Variants in SEZ6L2 observed in about 807,000 individuals in gnomAD.
SEZ6L2 encodes seizure related 6 homolog like 2, also known as seizure 6-like protein 2.
A neutral mutation model predicts 97.0 loss-of-function variants in SEZ6L2; 44 were observed. The observed-to-expected ratio is 0.45, with a 90% confidence interval of 0.36 to 0.58. SEZ6L2 has a LOEUF of 0.58. Ranked by LOEUF, SEZ6L2 falls within the 20% of genes least tolerant of loss-of-function variation. The pLI, the probability that SEZ6L2 is intolerant of heterozygous loss-of-function variation, is 0.00. For synonymous variants in SEZ6L2, 543 were observed against 546.1 expected (o/e 0.99, Z 0.08); for missense variants, 1,086 against 1,233.3 (o/e 0.88, Z 1.79).
intron 8 of SEZ6L2, among the ~76,000 whole-genome samples, chr16:29,883,967 C>G (rs956476513): frequency 3.3e-5 from 5 of 151,902 alleles, no homozygotes; most frequent in Non-Finnish European, 5.9e-5. Context: ...ACCCTCTATC[C>G]TTTAAGGCCA....
At chr16:29,898,045 A>T in intron 1 of SEZ6L2, 61 bp from the exon 2 acceptor site, 2 of 1,601,984 alleles carry the variant, frequency 1.2e-6, no homozygotes, top group Non-Finnish European at 8.5e-7. Context: ...CTCCAGAGAG[A>T]TATTTTCTAG....
Position 29,876,878 on chromosome 16 carries a change from T to A in SEZ6L2, c.1982A>T (p.Asp661Val). 3 of 1,613,488 alleles carry A rather than the reference T, an allele frequency of 1.9e-6. No individual in the cohort carries two copies. The highest frequency in any genetic ancestry group is 2.5e-6 in the Non-Finnish European group (3 of 1,179,778). ...EWGWRTASHG[D>V]LIRGTVLTYQ... Reference sequence around the variant, plus strand: ...GGTGAGCACCGTGCCCCGGATCAGGTCCCCGTGGGATGCCGTTCTCCAGCC... The same window carrying A: ...GGTGAGCACCGTGCCCCGGATCAGGACCCCGTGGGATGCCGTTCTCCAGCC... The change falls in exon 12 of 18, where the codon GAC (aspartate) becomes GTC (valine). Residue 661 changes from aspartate (D) to valine (V), a missense_variant. Transcript: ENST00000617533. This position sits in a 1 kb window ranked among gnomAD's most constrained non-coding sequence, Gnocchi z 6.5.
chr16:29,895,242 A>T lies in SEZ6L2; in HGVS notation c.853+17T>A. Reference sequence around the variant, plus strand: ...GTATGGCCCCTGCCCTTCCAGCAGCACCCTCAAACTCCTCACCCTGATAGT... The same window carrying T: ...GTATGGCCCCTGCCCTTCCAGCAGCTCCCTCAAACTCCTCACCCTGATAGT... On this transcript the variant is annotated intron_variant, in intron 5 of 17. Transcript: ENST00000617533. 6 of 1,583,542 alleles carry T rather than the reference A, an allele frequency of 3.8e-6. No individual in the cohort carries two copies. The highest frequency in any genetic ancestry group is 5.2e-6 in the Non-Finnish European group (6 of 1,157,040).
chr16:29,897,760 C>T, intron 2 of SEZ6L2, 93 bp downstream of exon 2: 1 of 1,416,326 alleles, frequency 7.1e-7, no homozygotes, highest in African/African-American at 1.4e-5. Flanking sequence ...CAGTCTCTCT[C>T]TGCCTGCTCT....
chr16:29,891,912 A>C (rs899114811), intron 5 of SEZ6L2, among the ~76,000 whole-genome samples: 3 of 152,166 alleles, frequency 2.0e-5, no homozygotes, highest in African/African-American at 7.2e-5. Context: ...TGCTGAGAAA[A>C]CGTTAATCAC....
rs1019460028 is a variant in SEZ6L2, at chr16:29,873,101, C to A, written c.2488+139G>T. On this transcript the variant is annotated intron_variant, in intron 14 of 17. Transcript: ENST00000617533. The surrounding 1 kb of genome is among the most constrained non-coding windows in gnomAD (Gnocchi z 4.3). Reference sequence around the variant, plus strand: ...ACGACCCAGGGCTTCTGGACACACCCGTGAGGACACGAGGCCACAGGAGGA... The same window carrying A: ...ACGACCCAGGGCTTCTGGACACACCAGTGAGGACACGAGGCCACAGGAGGA... 2.0e-5 allele frequency: 19 copies of A among 971,812 alleles called. No individual in the cohort carries two copies. Among genetic ancestry groups the A allele is most frequent in the African/African-American group, 1.9e-4 (12 of 61,664 alleles). 60.2% of individuals were successfully genotyped at this position (971,812 alleles called of 1,614,324 possible). A position where few individuals can be genotyped will look rare whatever the true frequency, so the allele number is the denominator to read the frequency against.
intron 5 of SEZ6L2, 70 bp downstream of exon 5, chr16:29,895,189 A>G: frequency 8.8e-7 from 1 of 1,131,930 alleles, no homozygotes; most frequent in Non-Finnish European, 1.3e-6. Flanking sequence ...AAAAAAAAAA[A>G]AAAAAAAAAA....
intron 8 of SEZ6L2, among the ~76,000 whole-genome samples, chr16:29,885,040 T>C (rs1017412600): frequency 9.3e-5 from 14 of 151,254 alleles, no homozygotes; most frequent in African/African-American, 2.4e-4. Context: ...ACCCCGTCTC[T>C]ACTAAAAATA....
At position 29,872,502 on chromosome 16, in the gene SEZ6L2, C is replaced by T. The variant is rs560532111; in HGVS notation, c.2552G>A (p.Arg851Gln). The T allele has an allele frequency of 1.1e-5, 17 of 1,614,140 alleles. No homozygotes were observed. In the South Asian group the frequency reaches 1.1e-4, roughly 10 times the overall value. The change falls in exon 16 of 18, where the codon CGG (arginine) becomes CAG (glutamine). Residue 851 changes from arginine (R) to glutamine (Q), a missense_variant. Physicochemically the swap from Arg to Gln is conservative, Grantham distance 43. Around this residue, in one of 2 missense-constraint regions of SEZ6L2, gnomAD observed 310 missense variants for 438.6 expected, o/e 0.71. Coordinates refer to ENST00000617533, the MANE Select transcript of SEZ6L2 (RefSeq NM_001243332.2). ...LEVTQTTDPS[R>Q]QLEGGNLALA... ...GGCCAGGTTCCCCCCTTCCAGCTGC[C>T]GTGATGGATCTGTGGTCTGGGTCAC...
chr16:29,884,150 G>A (rs2068083175), intron 8 of SEZ6L2, among the ~76,000 whole-genome samples: 1 of 152,120 alleles, frequency 6.6e-6, no homozygotes, highest in Non-Finnish European at 1.5e-5. Flanking sequence ...AGGCAGATTA[G>A]CCAATCCCAA....
At chr16:29,880,447 G>A (rs2068007545) in intron 8 of SEZ6L2, among the ~76,000 whole-genome samples, 1 of 151,958 alleles carries the variant, frequency 6.6e-6, no homozygotes, top group African/African-American at 2.4e-5. Flanking sequence ...TGCCTCCTGA[G>A]TAGCTGGGAT....
chr16:29,872,878 T>C, intron 14 of SEZ6L2, 135 bp from the exon 15 acceptor site: 1 of 722,890 alleles, frequency 1.4e-6, no homozygotes. Context: ...ACTTTCTCCC[T>C]TTGTGGGGAA....
At position 29,896,364 on chromosome 16, in the gene SEZ6L2, C is replaced by T. The variant is rs78012201; in HGVS notation, c.511+458G>A. Reference sequence around the variant, plus strand: ...GCTGGATCTCAGCTCACCACAACCTCCACCTCCCGGGTTCAAGCAATTCTC... The same window carrying T: ...GCTGGATCTCAGCTCACCACAACCTTCACCTCCCGGGTTCAAGCAATTCTC... On this transcript the variant is annotated intron_variant, in intron 3 of 17. Transcript: ENST00000617533. Among the ~76,000 whole-genome samples the T allele has an allele frequency of 3.9e-5, 6 of 152,294 alleles. No individual in the cohort carries two copies. In the East Asian group the frequency reaches 1.2e-3, roughly 29 times the overall value.
Position 29,876,586 on chromosome 16 carries a change from C to A in SEZ6L2, c.2104+170G>T, listed in dbSNP as rs772703180. Among the ~76,000 whole-genome samples, 4 of 151,824 alleles carry A rather than the reference C, an allele frequency of 2.6e-5. No homozygotes were observed. Among genetic ancestry groups the A allele is most frequent in the South Asian group, 2.1e-4 (1 of 4,818 alleles). On this transcript the variant is annotated intron_variant, in intron 12 of 17. Transcript: ENST00000617533. This position sits in a 1 kb window ranked among gnomAD's most constrained non-coding sequence, Gnocchi z 6.5. ...GAGGGGACAGTTTCGGGGAACCGGGCGGAGGAGTGAGAACTAAAGGGCATG... is the reference window on the plus strand; with the variant it reads ...GAGGGGACAGTTTCGGGGAACCGGGAGGAGGAGTGAGAACTAAAGGGCATG...
At position 29,877,398 on chromosome 16, in the gene SEZ6L2, G is replaced by C; in HGVS notation, c.1782C>G (p.Ala594=). The change falls in exon 11 of 18, where the codon GCC becomes GCG. Residue 594 remains alanine (A), a synonymous_variant. Coordinates refer to ENST00000617533, the MANE Select transcript of SEZ6L2 (RefSeq NM_001243332.2). ...GGCGCGGCTGAGGTCCCCGCAGCTG[G>C]GCCAAGACTCGGGCGCTGGGACCGT... The part of the protein sequence containing the change: ...DGDGPSARVL[A]QLRGPQPRRR... The C allele has an allele frequency of 6.2e-7, 1 of 1,613,160 alleles. No homozygotes were observed. Among genetic ancestry groups the C allele is most frequent in the Non-Finnish European group, 8.5e-7 (1 of 1,179,646 alleles).
chr16:29,892,840 C>T (rs1766718258), intron 5 of SEZ6L2, among the ~76,000 whole-genome samples: 1 of 152,230 alleles, frequency 6.6e-6, no homozygotes, highest in African/African-American at 2.4e-5. Context: ...GCACACATGT[C>T]TGCTAGAACA....
Position 29,876,705 on chromosome 16 carries a change from G to C in SEZ6L2, c.2104+51C>G. On this transcript the variant is annotated intron_variant, in intron 12 of 17. Transcript: ENST00000617533. The surrounding 1 kb of genome is among the most constrained non-coding windows in gnomAD (Gnocchi z 6.5). The stretch of plus-strand genomic sequence containing the variant: ...TCGGGACAGGACAGGCCGACGACGG[G>C]GCCCACAGGGAAGGGGCGGGGCCGA... The C allele has an allele frequency of 6.8e-7, 1 of 1,470,068 alleles. No homozygotes were observed. Among genetic ancestry groups the C allele is most frequent in the Non-Finnish European group, 9.1e-7 (1 of 1,099,776 alleles). The allele number at this position is 1,470,068 out of a possible 1,614,324, so 91.1% of individuals were successfully genotyped here. A position where few individuals can be genotyped will look rare whatever the true frequency, so the allele number is the denominator to read the frequency against.
In SEZ6L2 at chr16:29,895,147, C is replaced by A. The variant is rs1341615784; in HGVS notation, c.853+112G>T. ...TGAGCTGAGATCACGCCACTGACCT[C>A]CAGTCTGGGCGACAGAGCAAGACTC... On this transcript the variant is annotated intron_variant, in intron 5 of 17. Transcript: ENST00000617533. 4.3e-6 allele frequency: 4 copies of A among 931,228 alleles called. No individual in the cohort carries two copies. The Admixed American group carries it at 9.2e-5, about 21-fold the overall frequency. 57.7% of individuals were successfully genotyped at this position (931,228 alleles called of 1,614,324 possible).
Position 29,896,875 on chromosome 16 carries a change from G to C in SEZ6L2, c.458C>G (p.Thr153Arg). ...TGTCGTGGTGATGATGGTGGTCGTC[G>C]TCTCCTCCTCTCCTCCCTCAGGCCC... ...PLGPEGGEEE[T>R]TTTIITTTTV... Residue 153 changes from threonine to arginine, a missense_variant, in exon 3 of 18, where the codon ACG (threonine) becomes AGG (arginine). Coordinates refer to ENST00000617533, the MANE Select transcript of SEZ6L2 (RefSeq NM_001243332.2). 1.9e-6 allele frequency: 3 copies of C among 1,613,968 alleles called. No individual in the cohort carries two copies. Among genetic ancestry groups the C allele is most frequent in the African/African-American group, 1.3e-5 (1 of 75,024 alleles).
Sources: allele counts gnomAD v4.1 joint callset (sites outside exome capture counted in the v4.1 genomes callset), GRCh38; gene constraint gnomAD v4.1.1; regional missense constraint gnomAD v4.1.1; non-coding constraint Gnocchi (gnomAD v3.1); transcripts MANE v1.5; gene names NCBI Gene and HGNC (gene_info 2026-07-23, HGNC 2026-07-21).